KCNT2: variants seen among roughly 807,000 people sequenced by gnomAD.
KCNT2 encodes the protein potassium sodium-activated channel subfamily T member 2.
Under a neutral mutation model 153.8 loss-of-function variants are expected in KCNT2, and 67 were observed. The observed-to-expected ratio is 0.44, with a 90% CI of 0.36 to 0.53. The LOEUF is 0.53. Ranked by LOEUF, KCNT2 falls within the 20% of genes least tolerant of loss-of-function variation. The pLI, the probability that KCNT2 is intolerant of heterozygous loss-of-function variation, is 0.00. For synonymous variants in KCNT2, 500 were observed against 458.8 expected (o/e 1.09, Z -1.15); for missense variants, 975 against 1,354.8 (o/e 0.72, Z 4.40).
chr1:196,241,392 A>G (rs1033626050), intron 26 of KCNT2, among the ~76,000 whole-genome samples: 2 of 151,918 alleles, frequency 1.3e-5, no homozygotes, highest in African/African-American at 4.8e-5. Context: ...TGCTGACTCA[A>G]TTTGCTCATG....
intron 26 of KCNT2, chr1:196,257,267 T>G (rs986466577): frequency 3.4e-5 from 33 of 984,852 alleles, no homozygotes; most frequent in African/African-American, 1.7e-4. Flanking sequence ...AATATGTGGG[T>G]TTTTTCCTTA....
intron 27 of KCNT2, among the ~76,000 whole-genome samples, chr1:196,234,402 T>C (rs1654232259): frequency 6.6e-6 from 1 of 151,290 alleles, no homozygotes; most frequent in African/African-American, 2.4e-5. Context: ...GTTAAACTTC[T>C]TTTTCAATTC....
chr1:196,413,509 A>G (rs1672504110), intron 12 of KCNT2, among the ~76,000 whole-genome samples: 1 of 151,700 alleles, frequency 6.6e-6, no homozygotes, highest in South Asian at 2.1e-4. Context: ...AAATTGCAAG[A>G]TTTTTGCAGA....
chr1:196,608,131 T>A, intron 1 of KCNT2, 84 bp downstream of exon 1: 1 of 1,237,612 alleles, frequency 8.1e-7, no homozygotes, highest in Non-Finnish European at 1.2e-6. Flanking sequence ...TTTCCTTTTC[T>A]CCCTCCTTTC....
chr1:196,365,923 C>G (rs1667997495), intron 14 of KCNT2, among the ~76,000 whole-genome samples: 1 of 152,070 alleles, frequency 6.6e-6, no homozygotes, highest in Non-Finnish European at 1.5e-5. Context: ...TTGGGCATGG[C>G]TACATAATTT....
At chr1:196,332,698 A>G (rs928601284) in intron 17 of KCNT2, among the ~76,000 whole-genome samples, 1 of 151,916 alleles carries the variant, frequency 6.6e-6, no homozygotes, top group African/African-American at 2.4e-5. Flanking sequence ...TTGTATAAAC[A>G]CTTTTTCTCC....
Position 196,608,293 on chromosome 1 carries a change from C to T in KCNT2, c.17G>A (p.Ser6Asn), listed in dbSNP as rs1339608174. 6.8e-6 allele frequency: 11 copies of T among 1,613,888 alleles called. No homozygotes were observed. Among genetic ancestry groups the T allele is most frequent in the Admixed American group, 3.3e-5 (2 of 59,996 alleles). The change falls in exon 1 of 28, where the codon AGC (serine) becomes AAC (asparagine). Residue 6 changes from serine (S) to asparagine (N), a missense_variant. This residue lies in a region of KCNT2 where 140 missense variants were observed against 216.0 expected (regional missense o/e 0.65). Transcript: ENST00000294725. Reference sequence around the variant, plus strand: ...CCTGGGAGGCAGAGGGGGCACTTCGCTCTCCAAATCAACCATCCTTCCTCA... The same window carrying T: ...CCTGGGAGGCAGAGGGGGCACTTCGTTCTCCAAATCAACCATCCTTCCTCA... The part of the protein sequence containing the change: MVDLE[S>N]EVPPLPPRYR...
intron 8 of KCNT2, among the ~76,000 whole-genome samples, chr1:196,459,213 T>C (rs1487680747): frequency 2.0e-5 from 3 of 151,664 alleles, no homozygotes; most frequent in Non-Finnish European, 1.5e-5. Flanking sequence ...CATTAGTAAA[T>C]CATGTCATTA....
intron 26 of KCNT2, among the ~76,000 whole-genome samples, chr1:196,251,251 A>G (rs1461598516): frequency 6.6e-6 from 1 of 152,156 alleles, no homozygotes; most frequent in African/African-American, 2.4e-5. Context: ...ATACATATAT[A>G]CAATGGAGTA....
At position 196,336,540 on chromosome 1, in the gene KCNT2, C is replaced by T. The variant is rs138594184; in HGVS notation, c.1784-2480G>A. ...TCCTTACTTGCTTGTACTTTCAACA[C>T]AAGCTACAAATCCATTTCTTTTCTC... On this transcript the variant is annotated intron_variant, in intron 16 of 27. Coordinates refer to ENST00000294725, the MANE Select transcript of KCNT2 (RefSeq NM_198503.5). 3.7e-3 allele frequency among the ~76,000 whole-genome samples: 557 copies of T among 152,294 alleles called. 7 individuals are homozygous for T. Among genetic ancestry groups the T allele is most frequent in the Middle Eastern group, 0.034 (10 of 294 alleles).
At chr1:196,353,083 C>T (rs1028921134) in intron 14 of KCNT2, among the ~76,000 whole-genome samples, 19 of 152,064 alleles carry the variant, frequency 1.2e-4, no homozygotes, top group African/African-American at 4.3e-4. Context: ...GGTTGTGCTT[C>T]AGGAAACTCA....
chr1:196,342,448 G>A (rs200413125), intron 14 of KCNT2, among the ~76,000 whole-genome samples: 133 of 100,130 alleles, frequency 1.3e-3, no homozygotes, highest in African/African-American at 1.9e-3. Context: ...ATATATATAT[G>A]TATATATATA....
intron 14 of KCNT2, among the ~76,000 whole-genome samples, chr1:196,362,036 T>C (rs951038382): frequency 4.6e-5 from 7 of 152,068 alleles, no homozygotes; most frequent in African/African-American, 1.7e-4. Context: ...TTACAAAATA[T>C]AGTTCTCTGT....
At chr1:196,252,422 C>G (rs146788166) in intron 26 of KCNT2, among the ~76,000 whole-genome samples, 1 of 151,604 alleles carries the variant, frequency 6.6e-6, no homozygotes, top group Non-Finnish European at 1.5e-5. Flanking sequence ...TTATTTCTCA[C>G]GCTATAGAGT....
chr1:196,269,296 A>G (rs1049258872), intron 25 of KCNT2, among the ~76,000 whole-genome samples: 2 of 152,102 alleles, frequency 1.3e-5, no homozygotes, highest in Non-Finnish European at 2.9e-5. Context: ...TTTCCATACT[A>G]TTTATTTGGT....
At position 196,331,169 on chromosome 1, in the gene KCNT2, A is replaced by T; in HGVS notation, c.2090T>A (p.Leu697Ter). 6.3e-7 allele frequency: 1 copy of T among 1,590,152 alleles called. No homozygotes were observed. The highest frequency in any genetic ancestry group is 8.6e-7 in the Non-Finnish European group (1 of 1,158,558). Reference sequence around the variant, plus strand: ...ACAAGTACTTACCTTGTCTAATCTTAAGCAGCAAAATGGTACTTTTTCATG... The same window carrying T: ...ACAAGTACTTACCTTGTCTAATCTTTAGCAGCAAAATGGTACTTTTTCATG... ...LLHEKVPFCC[L>*]RLDKSCQHNY... is the part of the protein sequence containing the mutation. The change falls in exon 18 of 28, where the codon TTA (leucine) becomes TAA (stop). Residue 697 changes from leucine (L) to a stop codon, truncating the protein, a stop_gained. Coordinates refer to ENST00000294725, the MANE Select transcript of KCNT2 (RefSeq NM_198503.5). LOFTEE classifies it high-confidence loss of function.
chr1:196,467,819 T>C, intron 6 of KCNT2, 33 bp from the exon 7 acceptor site: 2 of 1,394,600 alleles, frequency 1.4e-6, no homozygotes, highest in East Asian at 4.6e-5. Flanking sequence ...ACTAGACTTT[T>C]ATCTCAAAGC....
intron 13 of KCNT2, among the ~76,000 whole-genome samples, chr1:196,382,834 G>T (rs185365279): frequency 6.6e-6 from 1 of 151,842 alleles, no homozygotes; most frequent in South Asian, 2.1e-4. Flanking sequence ...AAAACACAAC[G>T]TTAAGGGCCG....
intron 22 of KCNT2, 54 bp from the exon 23 acceptor site, chr1:196,285,812 T>C: frequency 1.0e-6 from 1 of 989,410 alleles, no homozygotes; most frequent in South Asian, 1.3e-5. Flanking sequence ...TTTTATGCAT[T>C]TCTGCCTCAG....
Sources: allele counts gnomAD v4.1 joint callset (sites outside exome capture counted in the v4.1 genomes callset), GRCh38; gene constraint gnomAD v4.1.1; regional missense constraint gnomAD v4.1.1; transcripts MANE v1.5; gene names NCBI Gene and HGNC (gene_info 2026-07-23, HGNC 2026-07-21).